The following PRKCE variants were observed in gnomAD, a reference collection of about 807,000 sequenced individuals.
PRKCE encodes protein kinase C epsilon, also known as protein kinase C epsilon type.
PRKCE carries 16 observed loss-of-function variants against 85.4 expected under a neutral mutation model. That is an observed-to-expected ratio of 0.19 (90% CI 0.13 to 0.28). The LOEUF is 0.28. PRKCE is among the 10% of genes least tolerant of loss of function. The probability of loss-of-function intolerance (pLI) is 1.00; values close to 1 mark genes in which losing one functional copy is unlikely to be tolerated. For synonymous variants in PRKCE, 388 were observed against 371.5 expected (o/e 1.04, Z -0.51); for missense variants, 573 against 975.2 (o/e 0.59, Z 5.49).
chr2:45,844,334 A>G (rs1691604729), intron 2 of PRKCE, among the ~76,000 whole-genome samples: 1 of 152,204 alleles, frequency 6.6e-6, no homozygotes, highest in South Asian at 2.1e-4. Context: ...TCTTTATTGC[A>G]ATTACATTTT....
intron 1 of PRKCE, among the ~76,000 whole-genome samples, chr2:45,680,060 T>C (rs7601639): frequency 0.013 from 2,051 of 152,328 alleles, 55 homozygotes; most frequent in African/African-American, 0.046. Context: ...AAGAGAAACA[T>C]TCAGAGATGA....
chr2:45,744,500 T>TTTTC lies in PRKCE; in HGVS notation c.348+92076_348+92079dup, dbSNP rs1173068102. 9.5e-3 allele frequency among the ~76,000 whole-genome samples: 804 copies of TTTTC among 84,518 alleles called. 30 individuals carry two copies. The highest frequency in any genetic ancestry group is 0.036 in the African/African-American group (628 of 17,268). 55.4% of individuals were successfully genotyped at this position (84,518 alleles called of 152,430 possible). The stretch of plus-strand genomic sequence containing the variant: ...TTCTTTCTTTCTTTTTCTTTCTTTC[T>TTTTC]TTTCTTTCTTTCTTTCTTTCTTTCT... On this transcript the variant is annotated intron_variant, in intron 1 of 14. Transcript: ENST00000306156.
intron 10 of PRKCE, among the ~76,000 whole-genome samples, chr2:46,020,393 G>A (rs1326655879): frequency 3.3e-5 from 5 of 152,264 alleles, no homozygotes. Context: ...GCTCTGACTG[G>A]GAGCTGGAGT....
chr2:45,742,839 C>T (rs193099110), intron 1 of PRKCE, among the ~76,000 whole-genome samples: 110 of 152,268 alleles, frequency 7.2e-4, no homozygotes, highest in Admixed American at 1.1e-3. Flanking sequence ...TCTGCACTTT[C>T]GTGTTCACTG....
chr2:45,745,719 A>G (rs1194309080), intron 1 of PRKCE, among the ~76,000 whole-genome samples: 1 of 152,194 alleles, frequency 6.6e-6, no homozygotes, highest in Non-Finnish European at 1.5e-5. Flanking sequence ...AAGGGAGACC[A>G]CCGATAGGGA....
chr2:45,796,321 T>G (rs1008883105), intron 1 of PRKCE, among the ~76,000 whole-genome samples: 1 of 152,228 alleles, frequency 6.6e-6, no homozygotes, highest in African/African-American at 2.4e-5. Context: ...GGACTGTTAC[T>G]GAACCCTTTA....
At chr2:45,734,362 T>C (rs1006288473) in intron 1 of PRKCE, among the ~76,000 whole-genome samples, 1 of 147,260 alleles carries the variant, frequency 6.8e-6, no homozygotes, top group African/African-American at 2.5e-5. Context: ...AGACTCCATC[T>C]CAGAAAAAAA....
chr2:45,721,709 C>T (rs371574356), intron 1 of PRKCE, among the ~76,000 whole-genome samples: 5 of 151,912 alleles, frequency 3.3e-5, no homozygotes, highest in African/African-American at 1.2e-4. Context: ...AACCCCATCT[C>T]CACAAAAAAA....
At chr2:45,956,307 A>G (rs917309660) in intron 2 of PRKCE, among the ~76,000 whole-genome samples, 8 of 152,226 alleles carry the variant, frequency 5.3e-5, no homozygotes, top group Admixed American at 2.6e-4. Flanking sequence ...TTATGTAAAC[A>G]TAACTTTTTA....
rs183780993 is a variant in PRKCE at position 46,017,836 on chromosome 2, G to A, written c.1437+7319G>A. Among the ~76,000 whole-genome samples the A allele has an allele frequency of 2.3e-4, 35 of 152,242 alleles. No individual in the cohort carries two copies. The South Asian group carries it at 6.6e-3, about 29-fold the overall frequency. Reference sequence around the variant, plus strand: ...CATTTTTACAGATAAGAAAACCAAGGCCCAGTCAAGTCTTATAATTTGTTT... The same window carrying A: ...CATTTTTACAGATAAGAAAACCAAGACCCAGTCAAGTCTTATAATTTGTTT... On this transcript the variant is annotated intron_variant, in intron 10 of 14. Transcript: ENST00000306156.
rs145091345 is a variant in PRKCE, at chr2:46,095,094, T to G, written c.1592+8732T>G. Among the ~76,000 whole-genome samples the G allele has an allele frequency of 7.2e-3, 1,094 of 152,374 alleles. 14 individuals are homozygous for G. Among genetic ancestry groups the G allele is most frequent in the African/African-American group, 0.025 (1,026 of 41,582 alleles). On this transcript the variant is annotated intron_variant, in intron 11 of 14. Transcript: ENST00000306156. ...GAAAATGTATTACTTATTTCTTTAC[T>G]GATTCTTTCTCTTCTGTTTTCTCTT...
At chr2:45,763,601 C>T (rs1335072290) in intron 1 of PRKCE, among the ~76,000 whole-genome samples, 1 of 151,660 alleles carries the variant, frequency 6.6e-6, no homozygotes, top group Non-Finnish European at 1.5e-5. Context: ...TTTAGTAATA[C>T]TCAGTGTAGG....
At chr2:45,761,061 C>T (rs902986714) in intron 1 of PRKCE, among the ~76,000 whole-genome samples, 2 of 152,116 alleles carry the variant, frequency 1.3e-5, no homozygotes, top group Non-Finnish European at 2.9e-5. Context: ...GGCATGGTGG[C>T]TCACGCCTGT....
intron 14 of PRKCE, among the ~76,000 whole-genome samples, chr2:46,168,814 G>C (rs929963543): frequency 2.0e-5 from 3 of 152,216 alleles, no homozygotes; most frequent in Non-Finnish European, 4.4e-5. Flanking sequence ...CAGCGTTTCT[G>C]TGGGTCCTGA....
intron 1 of PRKCE, among the ~76,000 whole-genome samples, chr2:45,776,542 G>A (rs1294318128): frequency 6.6e-6 from 1 of 152,150 alleles, no homozygotes; most frequent in African/African-American, 2.4e-5. Context: ...TTTGCTCAAG[G>A]GACTTTGATC....
Position 46,186,705 on chromosome 2 carries a change from T to G in PRKCE, c.*1824T>G, listed in dbSNP as rs1453001199. The G allele has an allele frequency of 6.6e-6, 1 of 152,576 alleles. No homozygotes were observed. The highest frequency in any genetic ancestry group is 2.4e-5 in the African/African-American group (1 of 41,442). The allele number at this position is 152,576 out of a possible 1,614,324, so 9.5% of individuals were successfully genotyped here. A position where few individuals can be genotyped will look rare whatever the true frequency, so the allele number is the denominator to read the frequency against. On this transcript the variant is annotated 3_prime_UTR_variant, in exon 15 of 15. Transcript: ENST00000306156. ...GTGCTCTATTATACCCTGATAGAGA[T>G]GGGGGAGAGAAAGGAATGTTTTTGA...
In PRKCE at chr2:46,084,222, A is replaced by T. The variant is rs181925104; in HGVS notation, c.1438-1986A>T. ...AGGCCCTTTGTGAATACCGGTAAAGATGGAATAATTCTGGAGACTGGAGTG... is the reference window on the plus strand; with the variant it reads ...AGGCCCTTTGTGAATACCGGTAAAGTTGGAATAATTCTGGAGACTGGAGTG... On this transcript the variant is annotated intron_variant, in intron 10 of 14. Transcript: ENST00000306156. 6.0e-4 allele frequency among the ~76,000 whole-genome samples: 91 copies of T among 152,326 alleles called. No individual in the cohort carries two copies. The East Asian group carries it at 0.014, about 24-fold the overall frequency.
intron 14 of PRKCE, among the ~76,000 whole-genome samples, chr2:46,174,640 C>G (rs1679250869): frequency 6.6e-6 from 1 of 152,114 alleles, no homozygotes; most frequent in Non-Finnish European, 1.5e-5. Flanking sequence ...CACACAGACA[C>G]CCAAAGACAC....
chr2:45,885,212 G>T (rs1288333080), intron 2 of PRKCE, among the ~76,000 whole-genome samples: 7 of 151,920 alleles, frequency 4.6e-5, no homozygotes, highest in Non-Finnish European at 8.8e-5. Flanking sequence ...TCTTTCCCCA[G>T]AAAGAATTAT....
Sources: gnomAD v4.1 joint callset for allele counts (sites outside exome capture counted in the v4.1 genomes callset) on GRCh38, gnomAD v4.1.1 for gene constraint, MANE v1.5 for transcripts, NCBI Gene and HGNC (gene_info 2026-07-23, HGNC 2026-07-21) for gene names.